The following DPH6 variants were observed in gnomAD, a reference collection of about 807,000 sequenced individuals.
DPH6 encodes diphthamine biosynthesis 6, also known as diphthine--ammonia ligase.
Under a neutral mutation model 38.2 loss-of-function variants are expected in DPH6, and 33 were observed. The observed-to-expected ratio is 0.86, with a 90% CI of 0.65 to 1.15. DPH6 has a LOEUF of 1.15. Ranked by LOEUF, DPH6 falls within the 50% of genes most tolerant of loss-of-function variation. DPH6 has a pLI of 0.00. For missense variants in DPH6, 325 were observed against 320.0 expected, an observed-to-expected ratio of 1.02 and a Z score of -0.12; for synonymous variants, 108 against 103.0, an observed-to-expected ratio of 1.05 and a Z score of -0.30.
At chr15:35,432,525 AG>A (rs2053645602) in intron 5 of DPH6, among the ~76,000 whole-genome samples, 1 of 152,198 alleles carries the variant, frequency 6.6e-6, no homozygotes, top group Non-Finnish European at 1.5e-5. Flanking sequence ...CCTACATCCC[AG>A]GGAGGGCAGA....
the DPH6 span, among the ~76,000 whole-genome samples, chr15:35,153,298 A>G: frequency 1.3e-5 from 2 of 152,178 alleles, no homozygotes; most frequent in Non-Finnish European, 2.9e-5. Flanking sequence ...GGACATAAAA[A>G]CATAAATTTA....
chr15:35,296,891 G>A (rs2052019702), intron 3 of DPH6, among the ~76,000 whole-genome samples: 2 of 122,402 alleles, frequency 1.6e-5, no homozygotes, highest in Non-Finnish European at 3.0e-5. Flanking sequence ...TGCAAGCTCC[G>A]CTTCCCGGGT....
chr15:35,522,931 G>A (rs2054942309), intron 3 of DPH6, among the ~76,000 whole-genome samples: 1 of 151,954 alleles, frequency 6.6e-6, no homozygotes, highest in Non-Finnish European at 1.5e-5. Flanking sequence ...ATTTCTGCAA[G>A]TTCATTTTTA....
chr15:35,531,353 C>G (rs2055084419), intron 3 of DPH6, among the ~76,000 whole-genome samples: 1 of 152,178 alleles, frequency 6.6e-6, no homozygotes. Context: ...TTGAAAACTT[C>G]CACTATGATG....
intron 3 of DPH6, among the ~76,000 whole-genome samples, chr15:35,523,056 T>C (rs2054943853): frequency 6.6e-6 from 1 of 152,090 alleles, no homozygotes; most frequent in African/African-American, 2.4e-5. Flanking sequence ...CAAAGTGGAA[T>C]TGCTTATTAC....
At chr15:35,156,237 G>T in the DPH6 span, among the ~76,000 whole-genome samples, 1 of 152,106 alleles carries the variant, frequency 6.6e-6, no homozygotes, top group Non-Finnish European at 1.5e-5. Context: ...TTGTACAAAA[G>T]AAAGCAGAAC....
chr15:35,342,126 T>C (rs1323033993), intron 3 of DPH6, among the ~76,000 whole-genome samples: 1 of 152,190 alleles, frequency 6.6e-6, no homozygotes, highest in Non-Finnish European at 1.5e-5. Flanking sequence ...CTCAGAATGA[T>C]GCTGCTTGGC....
intron 5 of DPH6, among the ~76,000 whole-genome samples, chr15:35,423,346 T>C (rs1056548266): frequency 2.0e-5 from 3 of 151,932 alleles, no homozygotes; most frequent in African/African-American, 7.2e-5. Flanking sequence ...ATGTCTCATT[T>C]GGAGAAATGT....
At chr15:35,344,644 G>A (rs2052447426) in intron 3 of DPH6, among the ~76,000 whole-genome samples, 1 of 151,818 alleles carries the variant, frequency 6.6e-6, no homozygotes, top group African/African-American at 2.4e-5. Flanking sequence ...ATAATACATT[G>A]TATTTCCATG....
At chr15:35,362,560 A>G (rs1329267417) in intron 3 of DPH6, among the ~76,000 whole-genome samples, 1 of 151,316 alleles carries the variant, frequency 6.6e-6, no homozygotes, top group Non-Finnish European at 1.5e-5. Flanking sequence ...TAAACTTTCT[A>G]TTTTTCTTTG....
chr15:35,442,663 C>A (rs927577628), intron 5 of DPH6, among the ~76,000 whole-genome samples: 7 of 152,114 alleles, frequency 4.6e-5, no homozygotes, highest in African/African-American at 1.7e-4. Context: ...ATAAACGTAT[C>A]TTTGTAACAG....
At chr15:35,486,708 C>T (rs770474430) in intron 3 of DPH6, among the ~76,000 whole-genome samples, 3 of 152,072 alleles carry the variant, frequency 2.0e-5, no homozygotes, top group Admixed American at 6.6e-5. Context: ...AATCTCATGT[C>T]CTTCTCACAT....
At chr15:35,485,118 A>G (rs77667969) in intron 3 of DPH6, among the ~76,000 whole-genome samples, 2,777 of 152,280 alleles carry the variant, frequency 0.018, 87 homozygotes, top group African/African-American at 0.062. Context: ...AGATACCACG[A>G]TTATCCTAAT....
At chr15:35,545,020 T>C (rs1196555682) in intron 1 of DPH6, among the ~76,000 whole-genome samples, 1 of 152,190 alleles carries the variant, frequency 6.6e-6, no homozygotes, top group Non-Finnish European at 1.5e-5. Flanking sequence ...AAAAATGACA[T>C]TGAAGGAAAG....
intron 3 of DPH6, among the ~76,000 whole-genome samples, chr15:35,228,217 G>A (rs948210613): frequency 1.1e-4 from 16 of 152,108 alleles, no homozygotes; most frequent in Admixed American, 9.2e-4. Context: ...CACCTTAAAA[G>A]TTAAAAAGTG....
downstream of DPH6, among the ~76,000 whole-genome samples, chr15:35,213,482 T>A (rs1490275022): frequency 6.6e-6 from 1 of 152,216 alleles, no homozygotes; most frequent in East Asian, 1.9e-4. Flanking sequence ...CATATTAATC[T>A]TTCCCCCACC....
the DPH6 span, among the ~76,000 whole-genome samples, chr15:35,160,288 T>C: frequency 6.6e-6 from 1 of 152,056 alleles, no homozygotes; most frequent in East Asian, 1.9e-4. Flanking sequence ...AAGGCTTCCA[T>C]GTGTAGGCTT....
At chr15:35,468,690 CAAG>C (rs2054158978) in intron 3 of DPH6, among the ~76,000 whole-genome samples, 1 of 150,768 alleles carries the variant, frequency 6.6e-6, no homozygotes, top group Non-Finnish European at 1.5e-5. Context: ...ACAGAAAAAA[CAAG>C]AAGGGGAAAA....
intron 3 of DPH6, among the ~76,000 whole-genome samples, chr15:35,497,122 A>C (rs1057051615): frequency 6.6e-6 from 1 of 152,156 alleles, no homozygotes; most frequent in African/African-American, 2.4e-5. Flanking sequence ...ATGTCTGTAG[A>C]TACTAATAGC....
Sources: gnomAD v4.1 joint callset for allele counts (sites outside exome capture counted in the v4.1 genomes callset) on GRCh38, gnomAD v4.1.1 for gene constraint, MANE v1.5 for transcripts, NCBI Gene and HGNC (gene_info 2026-07-23, HGNC 2026-07-21) for gene names.